Variants in TDRD1 observed in about 807,000 individuals in gnomAD.
TDRD1 encodes tudor domain-containing protein 1.
Under a neutral mutation model 140.6 loss-of-function variants are expected in TDRD1, and 37 were observed. The ratio of observed to expected loss-of-function variants is 0.26; its 90% CI spans 0.20 to 0.35. TDRD1 has a LOEUF of 0.35. Ranked by LOEUF, TDRD1 falls within the 10% of genes least tolerant of loss-of-function variation. The probability of loss-of-function intolerance (pLI) is 1.00; values close to 1 mark genes in which losing one functional copy is unlikely to be tolerated. For synonymous variants in TDRD1, 506 were observed against 475.7 expected, an observed-to-expected ratio of 1.06 and a Z score of -0.83; for missense variants, 1,243 against 1,393.0, an observed-to-expected ratio of 0.89 and a Z score of 1.71.
At chr10:114,219,043 G>A (rs2035979978) in intron 18 of TDRD1, among the ~76,000 whole-genome samples, 1 of 152,164 alleles carries the variant, frequency 6.6e-6, no homozygotes, top group Non-Finnish European at 1.5e-5. Flanking sequence ...AGGGTTGTTG[G>A]GAGGATTAAA....
intron 4 of TDRD1, among the ~76,000 whole-genome samples, chr10:114,199,920 G>T (rs993015008): frequency 1.3e-5 from 2 of 152,278 alleles, no homozygotes; most frequent in East Asian, 3.9e-4. Context: ...AAACATTTCT[G>T]TACAAGTGTT....
chr10:114,231,675 T>C (rs1396884370), exon 26 of TDRD1: 1 of 535,252 alleles, frequency 1.9e-6, no homozygotes, highest in Non-Finnish European at 3.2e-6. Context: ...GGTTTTTATT[T>C]TCCTCTAAGT....
chr10:114,187,951 T>A, exon 2 of TDRD1: 1 of 1,614,170 alleles, frequency 6.2e-7, no homozygotes, highest in Non-Finnish European at 8.5e-7. Context: ...CACATGAGTC[T>A]TTAAGAAGTC....
At chr10:114,218,337 G>A (rs1330496628) in intron 17 of TDRD1, 77 bp from the exon 18 acceptor site, 2 of 1,057,364 alleles carry the variant, frequency 1.9e-6, no homozygotes, top group African/African-American at 1.6e-5. Flanking sequence ...GACAAAGGGT[G>A]GCTTTTTTCA....
upstream of TDRD1, among the ~76,000 whole-genome samples, chr10:114,176,651 C>G (rs1228052317): frequency 6.6e-6 from 1 of 152,188 alleles, no homozygotes; most frequent in Non-Finnish European, 1.5e-5. This position sits in a 1 kb window ranked among gnomAD's most constrained non-coding sequence, Gnocchi z 4.2. Flanking sequence ...GGCACTATGG[C>G]TCACACTTGT....
chr10:114,194,757 G>GT (rs2034220161), intron 3 of TDRD1, among the ~76,000 whole-genome samples: 1 of 134,864 alleles, frequency 7.4e-6, no homozygotes, highest in Non-Finnish European at 1.6e-5. Context: ...GTTGGTTGTT[G>GT]GTTTTTTTTT....
At chr10:114,195,584 A>G (rs892306277) in intron 3 of TDRD1, among the ~76,000 whole-genome samples, 1 of 152,014 alleles carries the variant, frequency 6.6e-6, no homozygotes, top group African/African-American at 2.4e-5. Flanking sequence ...CTTTCCCTGT[A>G]ATCTGTTTTA....
chr10:114,227,652 A>G (rs2036513823), intron 23 of TDRD1, among the ~76,000 whole-genome samples: 1 of 152,350 alleles, frequency 6.6e-6, no homozygotes, highest in Middle Eastern at 3.4e-3. Flanking sequence ...GGTACTTCAT[A>G]AGATGTATAT....
intron 25 of TDRD1, among the ~76,000 whole-genome samples, chr10:114,231,138 G>A (rs997206314): frequency 1.3e-5 from 2 of 152,176 alleles, no homozygotes; most frequent in African/African-American, 4.8e-5. Flanking sequence ...CAATTTAATT[G>A]TAAAATTGCT....
At chr10:114,176,677 G>A (rs561289900), upstream of TDRD1, among the ~76,000 whole-genome samples, 11 of 152,328 alleles carry the variant, frequency 7.2e-5, no homozygotes, top group African/African-American at 2.6e-4. The surrounding 1 kb of genome is among the most constrained non-coding windows in gnomAD (Gnocchi z 4.2). Context: ...CAGCTACTGA[G>A]GCAGGGTGAT....
At chr10:114,185,395 G>A (rs1045917334) in intron 1 of TDRD1, among the ~76,000 whole-genome samples, 5 of 152,018 alleles carry the variant, frequency 3.3e-5, no homozygotes, top group African/African-American at 1.2e-4. Context: ...TCACCATGTT[G>A]GTCAGGCTGG....
At chr10:114,202,142 G>A in intron 5 of TDRD1, 96 bp from the exon 6 acceptor site, 1 of 948,374 alleles carries the variant, frequency 1.1e-6, no homozygotes. Flanking sequence ...TGCTCTTTCA[G>A]GATTTTGTTC....
chr10:114,203,441 T>C lies in TDRD1; in HGVS notation c.855T>C (p.Ser285=), dbSNP rs1426989994. 37 of 1,613,776 alleles carry C rather than the reference T, an allele frequency of 2.3e-5. 1 individual carries two copies. In the Admixed American group the frequency reaches 6.2e-4, roughly 27 times the overall value. Residue 285 remains serine (S), a synonymous_variant, in exon 8 of 26, where the codon TCT becomes TCC. Transcript: ENST00000251864. ...GGGACTTCTACGTGCAGTTATATTC[T>C]TCAGAAGTTTTAGAATACATGAACC...
intron 1 of TDRD1, among the ~76,000 whole-genome samples, chr10:114,186,237 C>T (rs1396507775): frequency 1.3e-5 from 2 of 151,630 alleles, no homozygotes; most frequent in Admixed American, 6.6e-5. Flanking sequence ...TTATTCCTCC[C>T]CCAACCACCA....
chr10:114,199,736 G>C (rs998086092), intron 4 of TDRD1, among the ~76,000 whole-genome samples: 10 of 152,318 alleles, frequency 6.6e-5, no homozygotes, highest in Non-Finnish European at 1.2e-4. Context: ...TTTGTATCAA[G>C]CTTATTTCAT....
At chr10:114,218,366 T>A (rs774591175) in intron 17 of TDRD1, 48 bp from the exon 18 acceptor site, 2 of 1,301,294 alleles carry the variant, frequency 1.5e-6, no homozygotes, top group Non-Finnish European at 2.0e-6. Flanking sequence ...ATTTCAAGTG[T>A]CGATAGAAAG....
At chr10:114,192,508 G>T (rs531067365) in intron 3 of TDRD1, among the ~76,000 whole-genome samples, 2 of 151,556 alleles carry the variant, frequency 1.3e-5, no homozygotes, top group Non-Finnish European at 2.9e-5. Flanking sequence ...GGGTTTCACC[G>T]TGTTAGCCAG....
At chr10:114,229,817 A>T (rs182219694) in intron 25 of TDRD1, among the ~76,000 whole-genome samples, 5,181 of 126,192 alleles carry the variant, frequency 0.041, 128 homozygotes, top group African/African-American at 0.085. Context: ...ATATATATAT[A>T]TTTTTTTTTT....
chr10:114,225,801 G>A (rs886271104), intron 21 of TDRD1, among the ~76,000 whole-genome samples: 8 of 150,764 alleles, frequency 5.3e-5, no homozygotes, highest in South Asian at 2.1e-4. Flanking sequence ...AGGTTGCAGC[G>A]AGCCAAGATT....
Sources: gnomAD v4.1 joint callset for allele counts (sites outside exome capture counted in the v4.1 genomes callset) on GRCh38, gnomAD v4.1.1 for gene constraint, Gnocchi (gnomAD v3.1) non-coding constraint, MANE v1.5 for transcripts, NCBI Gene and HGNC (gene_info 2026-07-23, HGNC 2026-07-21) for gene names.